ZSCAN25: variants seen among roughly 807,000 people sequenced by gnomAD.
ZSCAN25 encodes the protein zinc finger and SCAN domain containing 25.
A neutral mutation model predicts 38.7 loss-of-function variants in ZSCAN25; 27 were observed. That is an observed-to-expected ratio of 0.70 (90% CI 0.51 to 0.96). ZSCAN25 has a LOEUF of 0.96. Among genes scored for constraint, ZSCAN25 ranks in the 40% least tolerant of loss-of-function variants. The probability of loss-of-function intolerance (pLI) is 0.00; values close to 1 mark genes in which losing one functional copy is unlikely to be tolerated. For synonymous variants in ZSCAN25, 273 were observed against 277.7 expected, an observed-to-expected ratio of 0.98 and a Z score of 0.17; for missense variants, 637 against 705.9, an observed-to-expected ratio of 0.90 and a Z score of 1.11.
chr7:99,629,788 G>C lies in ZSCAN25; in HGVS notation c.1403G>C (p.Ser468Thr). ...PYTCECGKSF[S>T]RNANLAVHRR... is the part of the protein sequence containing the mutation. ...ACCTGCGAGTGTGGCAAGAGCTTCAGCAGGAATGCCAATCTGGCGGTGCAC... is the reference window on the plus strand; with the variant it reads ...ACCTGCGAGTGTGGCAAGAGCTTCACCAGGAATGCCAATCTGGCGGTGCAC... The change falls in exon 8 of 8, where the codon AGC (serine) becomes ACC (threonine). Residue 468 changes from serine to threonine, a missense_variant. Transcript: ENST00000394152. This position sits in a 1 kb window ranked among gnomAD's most constrained non-coding sequence, Gnocchi z 5.6. 1 of 1,614,260 alleles carries C rather than the reference G, an allele frequency of 6.2e-7. No individual in the cohort carries two copies. Among genetic ancestry groups the C allele is most frequent in the Non-Finnish European group, 8.5e-7 (1 of 1,180,036 alleles).
At chr7:99,674,310 G>A in the ZSCAN25 span, 1 of 415,334 alleles carries the variant, frequency 2.4e-6, no homozygotes, top group Non-Finnish European at 4.3e-6. Flanking sequence ...TCTTTGTCTT[G>A]TTTACCTCCC....
At chr7:99,662,980 C>A in the ZSCAN25 span, 4 of 1,552,414 alleles carry the variant, frequency 2.6e-6, no homozygotes, top group Non-Finnish European at 3.5e-6. The surrounding 1 kb of genome is among the most constrained non-coding windows in gnomAD (Gnocchi z 4.3). Flanking sequence ...TGACTTCCCT[C>A]CCTCAACCTC....
At chr7:99,654,380 C>A in the ZSCAN25 span, among the ~76,000 whole-genome samples, 1 of 152,164 alleles carries the variant, frequency 6.6e-6, no homozygotes, top group Non-Finnish European at 1.5e-5. Context: ...TGGTTTCCAG[C>A]TTCATCCATG....
the ZSCAN25 span, chr7:99,660,491 C>T: frequency 4.4e-6 from 7 of 1,606,534 alleles, no homozygotes; most frequent in Non-Finnish European, 5.1e-6. Flanking sequence ...CAGGGGTCAT[C>T]CCCTCACCTT....
chr7:99,631,561 A>G lies in ZSCAN25; in HGVS notation c.*1541A>G, dbSNP rs1342174289. On this transcript the variant is annotated 3_prime_UTR_variant, in exon 8 of 8. Transcript: ENST00000394152. ...TTGTCCTTTGTTGATAGTGTCCTAT[A>G]ATTGCAAAATGTGGTTTGTCTTCTG... The G allele has an allele frequency of 1.0e-6, 1 of 985,192 alleles. No homozygotes were observed. Among genetic ancestry groups the G allele is most frequent in the Non-Finnish European group, 1.2e-6 (1 of 829,916 alleles). The allele number at this position is 985,192 out of a possible 1,614,324, so 61.0% of individuals were successfully genotyped here.
chr7:99,654,980 C>T, the ZSCAN25 span, among the ~76,000 whole-genome samples: 1 of 152,122 alleles, frequency 6.6e-6, no homozygotes, highest in South Asian at 2.1e-4. Context: ...GGATATTAGC[C>T]CTTTGTCAGA....
chr7:99,676,002 T>C, the ZSCAN25 span: 1 of 876,272 alleles, frequency 1.1e-6, no homozygotes, highest in Non-Finnish European at 1.8e-6. Context: ...GTCCCACCAT[T>C]TCTGAAAATG....
chr7:99,621,523 G>GAGCA lies in ZSCAN25; in HGVS notation c.539_542dup (p.Leu182AlafsTer9). ...TCAAGGTCCAGACCCAGGTACCGAG[G>GAGCA]AGCAGCTCAGTCAGGACCCTGGAGA... On this transcript the variant is annotated frameshift_variant, in exon 5 of 8. Coordinates refer to ENST00000394152, the MANE Select transcript of ZSCAN25 (RefSeq NM_145115.3). LOFTEE classifies it high-confidence loss of function. 1 of 1,559,540 alleles carries GAGCA rather than the reference G, an allele frequency of 6.4e-7. No homozygotes were observed.
At chr7:99,669,788 A>G in the ZSCAN25 span, among the ~76,000 whole-genome samples, 5 of 152,220 alleles carry the variant, frequency 3.3e-5, no homozygotes, top group African/African-American at 1.2e-4. Context: ...TATATGAAGC[A>G]GTGAAAAATA....
the ZSCAN25 span, among the ~76,000 whole-genome samples, chr7:99,716,966 T>C: frequency 3.3e-5 from 5 of 152,286 alleles, no homozygotes; most frequent in African/African-American, 9.6e-5. Flanking sequence ...AACCCTGACC[T>C]CTGTGCACAG....
chr7:99,734,899 G>C, the ZSCAN25 span: 1 of 1,447,444 alleles, frequency 6.9e-7, no homozygotes, highest in Non-Finnish European at 9.6e-7. Context: ...GGGATGACAG[G>C]TGTGAGCCAC....
chr7:99,638,226 G>A, the ZSCAN25 span: 14 of 1,526,286 alleles, frequency 9.2e-6, 2 homozygotes, highest in South Asian at 1.5e-4. Flanking sequence ...CAGGGGATGG[G>A]TGGAGAATGC....
At chr7:99,707,873 A>T in the ZSCAN25 span, 6 of 1,613,922 alleles carry the variant, frequency 3.7e-6, no homozygotes, top group Admixed American at 3.3e-5. Context: ...AGCAAGTTTC[A>T]TGTTCACGAG....
At chr7:99,627,644 T>C (rs1380420579) in intron 7 of ZSCAN25, among the ~76,000 whole-genome samples, 1 of 150,082 alleles carries the variant, frequency 6.7e-6, no homozygotes, top group African/African-American at 2.5e-5. Flanking sequence ...GTGTTCCCGT[T>C]GGTATAGTAT....
the ZSCAN25 span, among the ~76,000 whole-genome samples, chr7:99,681,660 AT>A: frequency 6.6e-6 from 1 of 151,878 alleles, no homozygotes; most frequent in Non-Finnish European, 1.5e-5. Flanking sequence ...GGATTATTAG[AT>A]TTTTCCTTAC....
rs192539801 is a variant in ZSCAN25 at position 99,624,158 on chromosome 7, G to T, written c.783G>T (p.Pro261=). 38 of 1,613,750 alleles carry T rather than the reference G, an allele frequency of 2.4e-5. No homozygotes were observed. In the East Asian group the frequency reaches 8.5e-4, roughly 36 times the overall value. The change falls in exon 7 of 8, where the codon CCG becomes CCT. Residue 261 remains proline, a synonymous_variant. Coordinates refer to ENST00000394152, the MANE Select transcript of ZSCAN25 (RefSeq NM_145115.3). ...ACTGCTTTGGGGAGTATGTGGAACC[G>T]CAGGACTGCAGGGTCTCTCCAGGTA... ...QIDCFGEYVE[P]QDCRVSPGGG...
At chr7:99,644,132 T>C in the ZSCAN25 span, among the ~76,000 whole-genome samples, 1 of 152,316 alleles carries the variant, frequency 6.6e-6, no homozygotes, top group East Asian at 1.9e-4. Flanking sequence ...ATTGTCACCG[T>C]CACCATCATT....
chr7:99,632,989 G>GTTGTTGTTTTTTTTTT (rs1554412109), downstream of ZSCAN25, among the ~76,000 whole-genome samples: 1 of 128,528 alleles, frequency 7.8e-6, no homozygotes, highest in African/African-American at 3.0e-5. Context: ...ATTTTCTGTT[G>GTTGTTGTTTTTTTTTT]TTTTTTTTTT....
intron 5 of ZSCAN25, 98 bp downstream of exon 5, chr7:99,621,672 C>A: frequency 9.8e-7 from 1 of 1,022,236 alleles, no homozygotes; most frequent in Non-Finnish European, 1.3e-6. Flanking sequence ...ACTAAGTTAC[C>A]CACGAGGTGT....
Sources: allele counts gnomAD v4.1 joint callset (sites outside exome capture counted in the v4.1 genomes callset), GRCh38; gene constraint gnomAD v4.1.1; non-coding constraint Gnocchi (gnomAD v3.1); transcripts MANE v1.5; gene names NCBI Gene and HGNC (gene_info 2026-07-23, HGNC 2026-07-21).